Variants in GPAM observed in about 807,000 individuals in gnomAD.
GPAM encodes the protein glycerol-3-phosphate acyltransferase 1, mitochondrial.
Under a neutral mutation model 105.0 loss-of-function variants are expected in GPAM, and 56 were observed. The observed-to-expected ratio is 0.53, with a 90% CI of 0.43 to 0.67. The LOEUF (loss-of-function observed/expected upper bound fraction) is 0.67. GPAM is among the 30% of genes least tolerant of loss of function. The pLI is 0.00. For missense variants in GPAM, 855 were observed against 989.8 expected, an observed-to-expected ratio of 0.86 and a Z score of 1.83; for synonymous variants, 368 against 354.4, an observed-to-expected ratio of 1.04 and a Z score of -0.43.
Position 112,166,494 on chromosome 10 carries a change from T to G in GPAM, c.1129A>C (p.Ser377Arg). The part of the protein sequence containing the change: ...EQLGKPKKNE[S>R]LWSVARGVIR... Reference sequence around the variant, plus strand: ...ACACCTCTTGCTACACTCCACAGGCTCTCATTCTTCTTAGGTTTGCCCTAA... The same window carrying G: ...ACACCTCTTGCTACACTCCACAGGCGCTCATTCTTCTTAGGTTTGCCCTAA... Residue 377 changes from serine (S) to arginine (R), a missense_variant, in exon 12 of 22, where the codon AGC becomes CGC. Transcript: ENST00000348367. 6.2e-7 allele frequency: 1 copy of G among 1,607,324 alleles called. No individual in the cohort carries two copies. The highest frequency in any genetic ancestry group is 8.5e-7 in the Non-Finnish European group (1 of 1,173,788).
chr10:112,196,518 A>C (rs1431467365), intron 1 of GPAM, among the ~76,000 whole-genome samples: 2 of 152,198 alleles, frequency 1.3e-5, no homozygotes, highest in Non-Finnish European at 1.5e-5. Flanking sequence ...CAGATTTCCC[A>C]AAAGAAAAGG....
chr10:112,153,016 A>C lies in GPAM; in HGVS notation c.*534T>G. On this transcript the variant is annotated 3_prime_UTR_variant, in exon 22 of 22. Transcript: ENST00000348367. The stretch of plus-strand genomic sequence containing the variant: ...TATATATCAGTCCACTCAATTTATA[A>C]AGCACTTTGGGATAAAAGGTGCTCC... The C allele has an allele frequency of 4.2e-6, 2 of 479,618 alleles. No individual in the cohort carries two copies. The highest frequency in any genetic ancestry group is 5.5e-6 in the Non-Finnish European group (2 of 362,900). The allele number at this position is 479,618 out of a possible 1,614,324, so 29.7% of individuals were successfully genotyped here.
intron 1 of GPAM, among the ~76,000 whole-genome samples, chr10:112,202,201 C>G (rs951896411): frequency 3.9e-5 from 6 of 152,202 alleles, no homozygotes; most frequent in African/African-American, 1.4e-4. Context: ...CACAACTACT[C>G]AACCCTTTTG....
At chr10:112,181,847 G>A in intron 2 of GPAM, 34 bp from the exon 3 acceptor site, 1 of 921,546 alleles carries the variant, frequency 1.1e-6, no homozygotes, top group Non-Finnish European at 1.8e-6. Flanking sequence ...AATTAACAAG[G>A]AATCGAGAGA....
In GPAM at chr10:112,181,719, G is replaced by A; in HGVS notation, c.66C>T (p.Tyr22=). The change falls in exon 3 of 22, where the codon TAC becomes TAT. Residue 22 remains tyrosine (Y), a synonymous_variant. Transcript: ENST00000348367. ...DVSYLPHSSE[Y]SVGRCKHTSE... Reference sequence around the variant, plus strand: ...TTGTGTGCTTACATCGACCAACACTGTATTCTGATGAATGTGGCAGATAAG... The same window carrying A: ...TTGTGTGCTTACATCGACCAACACTATATTCTGATGAATGTGGCAGATAAG... 2 of 1,608,898 alleles carry A rather than the reference G, an allele frequency of 1.2e-6. No individual in the cohort carries two copies. Among genetic ancestry groups the A allele is most frequent in the African/African-American group, 1.3e-5 (1 of 74,908 alleles).
chr10:112,185,522 G>C (rs1026521081), upstream of GPAM, among the ~76,000 whole-genome samples: 1 of 147,512 alleles, frequency 6.8e-6, no homozygotes, highest in African/African-American at 2.5e-5. Context: ...ACATCTAGGA[G>C]ATAATAAAAC....
rs773760781 is a variant in GPAM at position 112,180,595 on chromosome 10, C to T, written c.103G>A (p.Gly35Ser). The stretch of plus-strand genomic sequence containing the variant: ...ATGGTGGGTCTAAAGCCACACTCAC[C>T]CTGACAAATATTAAGAAAAAAATAT... ...GRCKHTSEEW[G>S]ECGFRPTIFR... is the part of the protein sequence containing the mutation. The change falls in exon 4 of 22, where the codon GGT becomes AGT. Residue 35 changes from glycine to serine, a missense_variant and splice_region_variant. Gly to Ser is a moderately conservative substitution (Grantham distance 56). Coordinates refer to ENST00000348367, the MANE Select transcript of GPAM (RefSeq NM_001244949.2). The T allele has an allele frequency of 6.2e-7, 1 of 1,607,818 alleles. No individual in the cohort carries two copies.
At chr10:112,169,009 C>T in intron 9 of GPAM, 57 bp from the exon 10 acceptor site, 1 of 1,125,064 alleles carries the variant, frequency 8.9e-7, no homozygotes, top group Non-Finnish European at 1.4e-6. Flanking sequence ...AGAATACTCA[C>T]ATTCCAAGTT....
At chr10:112,167,991 G>GC (rs1452500420) in intron 11 of GPAM, among the ~76,000 whole-genome samples, 1 of 152,130 alleles carries the variant, frequency 6.6e-6, no homozygotes, top group African/African-American at 2.4e-5. Flanking sequence ...AGAACAAACC[G>GC]CAGATAACCT....
At chr10:112,180,734 C>A (rs777009551) in intron 3 of GPAM, 139 bp from the exon 4 acceptor site, 2 of 740,992 alleles carry the variant, frequency 2.7e-6, no homozygotes, top group Admixed American at 2.2e-5. Flanking sequence ...GTACTCCCTC[C>A]ATGATCAACA....
chr10:112,211,089 G>T (rs561955346), intron 1 of GPAM, among the ~76,000 whole-genome samples: 14 of 152,210 alleles, frequency 9.2e-5, no homozygotes, highest in Admixed American at 2.0e-4. Context: ...CTGGAAAGGG[G>T]CTTAGGGAGT....
At chr10:112,154,747 A>C in intron 20 of GPAM, 60 bp from the exon 21 acceptor site, 1 of 1,255,404 alleles carries the variant, frequency 8.0e-7, no homozygotes, top group South Asian at 1.2e-5. Context: ...TGACAATCCC[A>C]GCAGCCACAG....
At chr10:112,187,496 A>T (rs1847609518), upstream of GPAM, among the ~76,000 whole-genome samples, 1 of 152,218 alleles carries the variant, frequency 6.6e-6, no homozygotes, top group Non-Finnish European at 1.5e-5. Context: ...GGGTCAATTC[A>T]TAATGAGGAC....
chr10:112,216,708 C>T (rs1281474196), upstream of GPAM, among the ~76,000 whole-genome samples: 1 of 152,086 alleles, frequency 6.6e-6, no homozygotes, highest in Non-Finnish European at 1.5e-5. Flanking sequence ...ACTGCAGCCT[C>T]TGCCTCCTAG....
chr10:112,154,313 C>T, intron 21 of GPAM: 1 of 377,212 alleles, frequency 2.7e-6, no homozygotes, highest in South Asian at 3.6e-5. Flanking sequence ...CATTTCTGGT[C>T]CCAACATTTT....
At chr10:112,213,205 G>A (rs1237937818) in intron 1 of GPAM, among the ~76,000 whole-genome samples, 1 of 152,116 alleles carries the variant, frequency 6.6e-6, no homozygotes, top group East Asian at 1.9e-4. Flanking sequence ...TTTCTCACTG[G>A]CTCTTTCAGC....
the GPAM span, among the ~76,000 whole-genome samples, chr10:112,223,466 A>G: frequency 6.6e-6 from 1 of 152,230 alleles, no homozygotes; most frequent in Non-Finnish European, 1.5e-5. Context: ...ACATCAAACT[A>G]GGACATTCTA....
At chr10:112,199,089 A>ATATGTGTG (rs1554848747) in intron 1 of GPAM, among the ~76,000 whole-genome samples, 4 of 134,894 alleles carry the variant, frequency 3.0e-5, no homozygotes, top group African/African-American at 1.1e-4. Context: ...CGCCTGGCTA[A>ATATGTGTG]TGTGTGTGTG....
At chr10:112,158,119 C>T (rs1288982687) in intron 18 of GPAM, among the ~76,000 whole-genome samples, 197 bp downstream of exon 18, 2 of 152,086 alleles carry the variant, frequency 1.3e-5, no homozygotes, top group African/African-American at 2.4e-5. Flanking sequence ...TTAGGAAAGA[C>T]AGGGTTGTGC....
Sources: gnomAD v4.1 joint callset for allele counts (sites outside exome capture counted in the v4.1 genomes callset) on GRCh38, gnomAD v4.1.1 for gene constraint, MANE v1.5 for transcripts, NCBI Gene and HGNC (gene_info 2026-07-23, HGNC 2026-07-21) for gene names.